The following MALRD1 variants were observed in gnomAD, a reference collection of about 807,000 sequenced individuals.
MALRD1 encodes MAM and LDL-receptor class A domain-containing protein 1.
MALRD1 carries 247 observed loss-of-function variants against 242.1 expected under a neutral mutation model. That is an observed-to-expected ratio of 1.02 (90% CI 0.92 to 1.13). The LOEUF (loss-of-function observed/expected upper bound fraction) is 1.13, where lower values mean the gene tolerates loss of function less well. Among genes scored for constraint, MALRD1 ranks in the 50% most tolerant of loss-of-function variants. The pLI is 0.00. For synonymous variants in MALRD1, 995 were observed against 866.6 expected (o/e 1.15, Z -2.60); for missense variants, 2,989 against 2,533.1 (o/e 1.18, Z -3.86).
intron 32 of MALRD1, among the ~76,000 whole-genome samples, chr10:19,542,856 T>A (rs1311493439): frequency 1.3e-5 from 2 of 152,204 alleles, no homozygotes; most frequent in Non-Finnish European, 2.9e-5. Context: ...GTTTTACCTG[T>A]CTTAGATTTT....
At chr10:19,148,788 A>AAAAAAATATATATATATATATATATATAT (rs1206724666) in intron 11 of MALRD1, among the ~76,000 whole-genome samples, 3 of 88,032 alleles carry the variant, frequency 3.4e-5, no homozygotes, top group Non-Finnish European at 7.4e-5. Context: ...AAAAAAAAAA[A>AAAAAAATATATATATATATATATATATAT]ATATATATAT....
chr10:19,353,664 TA>T (rs1844496266), intron 26 of MALRD1, among the ~76,000 whole-genome samples: 1 of 152,152 alleles, frequency 6.6e-6, no homozygotes, highest in Non-Finnish European at 1.5e-5. Flanking sequence ...GAAATATACA[TA>T]GGTGGATTTA....
intron 33 of MALRD1, among the ~76,000 whole-genome samples, chr10:19,574,851 T>A (rs1159866023): frequency 1.3e-5 from 2 of 152,140 alleles, no homozygotes; most frequent in South Asian, 4.2e-4. Flanking sequence ...TTAAAGGAGA[T>A]CTGAGAATTA....
intron 31 of MALRD1, among the ~76,000 whole-genome samples, chr10:19,521,937 GCT>G (rs1833900575): frequency 6.6e-6 from 1 of 150,890 alleles, no homozygotes; most frequent in Non-Finnish European, 1.5e-5. Flanking sequence ...AATTCTGTCA[GCT>G]CTCTTTCTCA....
At chr10:19,153,666 G>C (rs1365968194) in intron 11 of MALRD1, among the ~76,000 whole-genome samples, 3 of 151,094 alleles carry the variant, frequency 2.0e-5, no homozygotes, top group Non-Finnish European at 2.9e-5. Flanking sequence ...TCTAGCCTAG[G>C]TGACAGAGCC....
At chr10:19,472,436 T>A (rs1310678049) in intron 29 of MALRD1, among the ~76,000 whole-genome samples, 1 of 152,034 alleles carries the variant, frequency 6.6e-6, no homozygotes, top group African/African-American at 2.4e-5. Context: ...AAGTATTTCC[T>A]CCTCTTCAGT....
chr10:19,117,328 G>A (rs1836905896), intron 5 of MALRD1, among the ~76,000 whole-genome samples: 1 of 152,064 alleles, frequency 6.6e-6, no homozygotes, highest in African/African-American at 2.4e-5. Context: ...CAGGCCAAAG[G>A]TAGTTAAAGT....
chr10:19,094,530 A>T (rs920238123), intron 4 of MALRD1, among the ~76,000 whole-genome samples: 9 of 150,998 alleles, frequency 6.0e-5, no homozygotes, highest in Non-Finnish European at 1.2e-4. Flanking sequence ...CCTCAGATGG[A>T]AATGCAGAAA....
chr10:19,312,596 T>C (rs1419654361), intron 21 of MALRD1, among the ~76,000 whole-genome samples: 1 of 151,242 alleles, frequency 6.6e-6, no homozygotes, highest in Non-Finnish European at 1.5e-5. Context: ...TTTCCAGTTT[T>C]TTTCAGACCC....
chr10:19,582,860 G>A (rs2131513813), intron 33 of MALRD1, among the ~76,000 whole-genome samples: 1 of 22,544 alleles, frequency 4.4e-5, no homozygotes, highest in East Asian at 1.0e-3. Context: ...CATGAGCATG[G>A]AATGTTCTTC....
At chr10:19,704,242 A>G (rs1041879693) in intron 38 of MALRD1, among the ~76,000 whole-genome samples, 13 of 152,156 alleles carry the variant, frequency 8.5e-5, no homozygotes, top group African/African-American at 2.9e-4. Context: ...AGTTTGGGCT[A>G]TTGCAACAAA....
intron 14 of MALRD1, among the ~76,000 whole-genome samples, chr10:19,177,891 C>T (rs1332141662): frequency 6.6e-6 from 1 of 152,062 alleles, no homozygotes; most frequent in Non-Finnish European, 1.5e-5. Context: ...GAATGAGGAT[C>T]TTGTGACCTA....
intron 2 of MALRD1, among the ~76,000 whole-genome samples, chr10:19,070,961 C>G (rs1251999699): frequency 2.7e-5 from 4 of 147,506 alleles, no homozygotes; most frequent in African/African-American, 7.5e-5. Context: ...AAGCAATTCT[C>G]CTGTGTCAGT....
intron 36 of MALRD1, among the ~76,000 whole-genome samples, chr10:19,630,885 T>C (rs1167611116): frequency 6.6e-6 from 1 of 152,178 alleles, no homozygotes; most frequent in Non-Finnish European, 1.5e-5. Context: ...CATCATAATA[T>C]ATAAAACTAA....
chr10:19,540,270 A>T (rs1185186526), intron 32 of MALRD1, among the ~76,000 whole-genome samples: 1 of 152,126 alleles, frequency 6.6e-6, no homozygotes, highest in Non-Finnish European at 1.5e-5. Flanking sequence ...CAGAATAGGA[A>T]GTTTGGCAGG....
chr10:19,352,465 T>TA lies in MALRD1; in HGVS notation c.4441+173dup, dbSNP rs200766288. 6.1e-3 allele frequency among the ~76,000 whole-genome samples: 786 copies of TA among 128,348 alleles called. 2 individuals are homozygous for TA. Among genetic ancestry groups the TA allele is most frequent in the African/African-American group, 0.024 (759 of 31,538 alleles). 84.2% of individuals were successfully genotyped at this position (128,348 alleles called of 152,430 possible). A position where few individuals can be genotyped will look rare whatever the true frequency, so the allele number is the denominator to read the frequency against. The stretch of plus-strand genomic sequence containing the variant: ...AAAATATTTCTCAAGCCTTTATTCA[T>TA]AAAAATGTCTTCCACATTTTCTCCA... On this transcript the variant is annotated intron_variant, in intron 26 of 39. Coordinates refer to ENST00000454679, the MANE Select transcript of MALRD1 (RefSeq NM_001142308.3).
At chr10:19,084,899 G>T (rs11008418) in intron 2 of MALRD1, among the ~76,000 whole-genome samples, 19,611 of 151,978 alleles carry the variant, frequency 0.13, 1,298 homozygotes, top group Middle Eastern at 0.18. Context: ...TTTGTCACAA[G>T]ATTATGTTAC....
intron 21 of MALRD1, among the ~76,000 whole-genome samples, chr10:19,307,576 C>G (rs182108874): frequency 4.0e-5 from 6 of 151,598 alleles, no homozygotes; most frequent in African/African-American, 1.2e-4. Context: ...CTTAAGGAAA[C>G]AGACTGAGGC....
At chr10:19,646,339 C>T (rs914958102) in intron 36 of MALRD1, among the ~76,000 whole-genome samples, 25 of 152,212 alleles carry the variant, frequency 1.6e-4, no homozygotes, top group Admixed American at 1.5e-3. Context: ...CCCAGTGGCT[C>T]ATGCCTATAA....
Sources: allele counts gnomAD v4.1 joint callset (sites outside exome capture counted in the v4.1 genomes callset), GRCh38; gene constraint gnomAD v4.1.1; transcripts MANE v1.5; gene names NCBI Gene and HGNC (gene_info 2026-07-23, HGNC 2026-07-21).